ZNF385B: variants seen among roughly 807,000 people sequenced by gnomAD.
The protein encoded by ZNF385B is zinc finger protein 385B.
In ZNF385B, 23 loss-of-function variants were observed where a neutral mutation model predicts 39.2. The observed-to-expected ratio is 0.59, with a 90% CI of 0.42 to 0.83. ZNF385B has a LOEUF of 0.83. ZNF385B is among the 40% of genes least tolerant of loss of function. The pLI, the probability that ZNF385B is intolerant of heterozygous loss-of-function variation, is 0.00. For synonymous variants in ZNF385B, 205 were observed against 222.6 expected, an observed-to-expected ratio of 0.92 and a Z score of 0.70; for missense variants, 552 against 598.9, an observed-to-expected ratio of 0.92 and a Z score of 0.82.
At chr2:179,513,767 T>C (rs772079991) in intron 5 of ZNF385B, among the ~76,000 whole-genome samples, 3 of 152,204 alleles carry the variant, frequency 2.0e-5, no homozygotes, top group Non-Finnish European at 2.9e-5. Context: ...TAGGCCACAT[T>C]GTAGAGATTA....
intron 3 of ZNF385B, among the ~76,000 whole-genome samples, chr2:179,717,884 TTTG>T (rs1352363119): frequency 6.7e-6 from 1 of 148,742 alleles, no homozygotes; most frequent in Non-Finnish European, 1.5e-5. Flanking sequence ...TATGTAATTA[TTTG>T]TTATTACATC....
intron 3 of ZNF385B, among the ~76,000 whole-genome samples, chr2:179,713,482 A>G (rs6707340): frequency 2.2e-4 from 34 of 152,258 alleles, no homozygotes; most frequent in South Asian, 2.1e-3. Context: ...TCTGACCACT[A>G]TAACTATTCC....
chr2:179,508,488 CA>C (rs1456562323), intron 5 of ZNF385B, among the ~76,000 whole-genome samples: 2 of 152,092 alleles, frequency 1.3e-5, no homozygotes, highest in African/African-American at 4.8e-5. Context: ...AGGTCACTGA[CA>C]AAAATGACTT....
At chr2:179,542,312 C>T (rs936108527) in intron 4 of ZNF385B, among the ~76,000 whole-genome samples, 6 of 152,124 alleles carry the variant, frequency 3.9e-5, no homozygotes, top group African/African-American at 7.2e-5. Context: ...ATATTTAATA[C>T]ACTACTAGAA....
intron 3 of ZNF385B, among the ~76,000 whole-genome samples, chr2:179,666,418 A>T (rs564884301): frequency 6.6e-6 from 1 of 152,370 alleles, no homozygotes; most frequent in East Asian, 1.9e-4. Context: ...TAATTCACAC[A>T]TATAAATTCC....
At position 179,470,138 on chromosome 2, in the gene ZNF385B, G is replaced by A. The variant is rs77585541; in HGVS notation, c.715+13134C>T. On this transcript the variant is annotated intron_variant, in intron 6 of 9. Transcript: ENST00000410066. ...TTCTCTCACTTTCTCTCCTTTCCCT[G>A]TTCTGTCTTTTCTGTTACTTGGGGA... Among the ~76,000 whole-genome samples the A allele has an allele frequency of 9.1e-3, 1,382 of 152,178 alleles. 21 individuals are homozygous for A. Among genetic ancestry groups the A allele is most frequent in the African/African-American group, 0.031 (1,295 of 41,524 alleles).
At chr2:179,569,485 C>T (rs992669826) in intron 3 of ZNF385B, among the ~76,000 whole-genome samples, 3 of 152,162 alleles carry the variant, frequency 2.0e-5, no homozygotes, top group African/African-American at 7.2e-5. Context: ...TACCAAATCT[C>T]ACGGTGCCTT....
intron 3 of ZNF385B, among the ~76,000 whole-genome samples, chr2:179,691,810 T>C (rs1174467023): frequency 2.6e-5 from 4 of 152,148 alleles, no homozygotes; most frequent in Admixed American, 2.0e-4. Context: ...AATTCAAGTT[T>C]AACTGGGTAT....
chr2:179,860,828 G>C (rs1007210463), intron 1 of ZNF385B: 3 of 459,678 alleles, frequency 6.5e-6, no homozygotes, highest in Admixed American at 2.4e-5. Flanking sequence ...GGGAACAGAG[G>C]AGTATGCTCC....
At chr2:179,473,461 G>C (rs947781895) in intron 6 of ZNF385B, among the ~76,000 whole-genome samples, 1 of 152,124 alleles carries the variant, frequency 6.6e-6, no homozygotes, top group Admixed American at 6.6e-5. Flanking sequence ...GAGCCAGGCA[G>C]CTTCCATGTA....
chr2:179,446,838 G>T, intron 6 of ZNF385B, 68 bp from the exon 7 acceptor site: 1 of 1,499,530 alleles, frequency 6.7e-7, no homozygotes, highest in Non-Finnish European at 8.9e-7. Context: ...AATCACCATA[G>T]ATGAATTAAA....
chr2:179,525,112 A>C (rs1658269066), intron 4 of ZNF385B, among the ~76,000 whole-genome samples: 1 of 152,126 alleles, frequency 6.6e-6, no homozygotes, highest in Admixed American at 6.5e-5. Flanking sequence ...GCATTCAAAC[A>C]CAGGTAGGAA....
chr2:179,459,001 A>T (rs1457652667), intron 6 of ZNF385B, among the ~76,000 whole-genome samples: 1 of 152,172 alleles, frequency 6.6e-6, no homozygotes. Context: ...TCAGAAGGAG[A>T]GAAAATTATT....
At chr2:179,745,843 C>T in intron 3 of ZNF385B, 1 of 1,362,098 alleles carries the variant, frequency 7.3e-7, no homozygotes, top group Non-Finnish European at 9.5e-7. Flanking sequence ...GGCTCCAGCC[C>T]TGATTATCTG....
intron 3 of ZNF385B, among the ~76,000 whole-genome samples, chr2:179,734,458 G>A (rs1057484079): frequency 2.0e-5 from 3 of 152,090 alleles, no homozygotes; most frequent in Non-Finnish European, 2.9e-5. Flanking sequence ...GCTACCATAC[G>A]GTTTGATCTT....
intron 3 of ZNF385B, among the ~76,000 whole-genome samples, chr2:179,618,477 CA>C (rs1441033075): frequency 6.6e-6 from 1 of 152,208 alleles, no homozygotes; most frequent in Non-Finnish European, 1.5e-5. Flanking sequence ...TTGACTGCTA[CA>C]AATAATTCAC....
Position 179,446,579 on chromosome 2 carries a change from A to G in ZNF385B, c.907T>C (p.Ser303Pro). ...GAGTTCACAGCCACTTTGCATAGTG[A>G]ACAATAAAGTAATTTTTTGGCTTTT... ...EEKAKKLLYC[S>P]LCKVAVNSLS... Residue 303 changes from serine (S) to proline (P), a missense_variant, in exon 7 of 10, where the codon TCA becomes CCA. Coordinates refer to ENST00000410066, the MANE Select transcript of ZNF385B (RefSeq NM_152520.6). The G allele has an allele frequency of 6.2e-7, 1 of 1,614,130 alleles. No individual in the cohort carries two copies. Among genetic ancestry groups the G allele is most frequent in the Non-Finnish European group, 8.5e-7 (1 of 1,180,000 alleles).
At chr2:179,860,605 G>C (rs1287975979) in intron 1 of ZNF385B, among the ~76,000 whole-genome samples, 3 of 151,932 alleles carry the variant, frequency 2.0e-5, no homozygotes, top group Non-Finnish European at 2.9e-5. Flanking sequence ...ATCTCATCTG[G>C]GTTCTGCTGC....
rs200614511 is a variant in ZNF385B, at chr2:179,725,908, G to GTATATATATATATATATA, written c.298+43594_298+43595insTATATATATATATATATA. Among the ~76,000 whole-genome samples the GTATATATATATATATATA allele has an allele frequency of 5.4e-5, 6 of 111,088 alleles. No homozygotes were observed. In the South Asian group the frequency reaches 1.5e-3, roughly 28 times the overall value. 72.9% of individuals were successfully genotyped at this position (111,088 alleles called of 152,430 possible). A position where few individuals can be genotyped will look rare whatever the true frequency, so the allele number is the denominator to read the frequency against. On this transcript the variant is annotated intron_variant, in intron 3 of 9. Transcript: ENST00000410066. ...TATATATGAATATATGTGTTTGTGTGTGTATATATATATATATATATATAT... is the reference window on the plus strand; with the variant it reads ...TATATATGAATATATGTGTTTGTGTGTATATATATATATATATATGTATATATATATATATATATATAT...
Sources: allele counts gnomAD v4.1 joint callset (sites outside exome capture counted in the v4.1 genomes callset), GRCh38; gene constraint gnomAD v4.1.1; transcripts MANE v1.5; gene names NCBI Gene and HGNC (gene_info 2026-07-23, HGNC 2026-07-21).